SV2C: variants seen among roughly 807,000 people sequenced by gnomAD.
SV2C encodes the protein synaptic vesicle glycoprotein 2C, also known as solute carrier family 22 member B3.
In SV2C, 49 loss-of-function variants were observed where a neutral mutation model predicts 79.7. That is an observed-to-expected ratio of 0.61 (90% confidence interval 0.49 to 0.78). The LOEUF is 0.78. Among genes scored for constraint, SV2C ranks in the 30% least tolerant of loss-of-function variants. The pLI is 0.00. For missense variants in SV2C, 833 were observed against 912.9 expected, an observed-to-expected ratio of 0.91 and a Z score of 1.13; for synonymous variants, 334 against 333.2, an observed-to-expected ratio of 1.00 and a Z score of -0.03.
chr5:75,914,879 A>T, the SV2C span, among the ~76,000 whole-genome samples: 1 of 152,196 alleles, frequency 6.6e-6, no homozygotes, highest in Admixed American at 6.5e-5. Flanking sequence ...GGCAATTTAC[A>T]AAAGAAAGAG....
rs1744231660 is a variant in SV2C, at chr5:76,195,016, T to C, written c.678T>C (p.Ser226=). 6.2e-7 allele frequency: 1 copy of C among 1,614,160 alleles called. No individual in the cohort carries two copies. The highest frequency in any genetic ancestry group is 2.2e-5 in the East Asian group (1 of 44,884). Residue 226 remains serine (S), a synonymous_variant, in exon 3 of 13, where the codon TCT becomes TCC. Coordinates refer to ENST00000502798, the MANE Select transcript of SV2C (RefSeq NM_014979.4). ...AACAGTCTCTTCTGATTTGCATGTC[T>C]GTCAACGGATTCTTTGCCTTCCTTT... The part of the protein sequence containing the change: ...GRKQSLLICM[S]VNGFFAFLSS...
In SV2C at chr5:76,242,193, G is replaced by A. The variant is rs540790311; in HGVS notation, c.913+32306G>A. 3.0e-6 allele frequency: 3 copies of A among 1,016,082 alleles called. No homozygotes were observed. In the South Asian group the frequency reaches 3.8e-5, roughly 13 times the overall value. The allele number at this position is 1,016,082 out of a possible 1,614,324, so 62.9% of individuals were successfully genotyped here. ...CTTTTAGGCGTGGGCTCTGGCTTTG[G>A]AGGAGCAGGTTTAGCAGACAACCTC... On this transcript the variant is annotated intron_variant, in intron 4 of 12. Coordinates refer to ENST00000502798, the MANE Select transcript of SV2C (RefSeq NM_014979.4).
intron 2 of SV2C, among the ~76,000 whole-genome samples, chr5:76,188,676 C>T (rs1173062796): frequency 6.6e-6 from 1 of 152,114 alleles, no homozygotes; most frequent in East Asian, 1.9e-4. Flanking sequence ...AGAACAAGTA[C>T]TGAGCTTGAG....
rs1415699318 is a variant in SV2C at position 76,232,799 on chromosome 5, T to C, written c.913+22912T>C. On this transcript the variant is annotated intron_variant, in intron 4 of 12. Coordinates refer to ENST00000502798, the MANE Select transcript of SV2C (RefSeq NM_014979.4). ...CTCTGTTCTGTTCCATTGATCTATA[T>C]CTCTGTTTTGGTACCAGTACCATGC... Among the ~76,000 whole-genome samples the C allele has an allele frequency of 2.8e-5, 4 of 143,704 alleles. 1 individual carries two copies. Among genetic ancestry groups the C allele is most frequent in the African/African-American group, 1.2e-4 (4 of 33,578 alleles). The allele number at this position is 143,704 out of a possible 152,430, so 94.3% of individuals were successfully genotyped here. A position where few individuals can be genotyped will look rare whatever the true frequency, so the allele number is the denominator to read the frequency against.
chr5:76,187,988 G>A (rs995886827), intron 2 of SV2C, among the ~76,000 whole-genome samples: 5 of 152,172 alleles, frequency 3.3e-5, no homozygotes, highest in Non-Finnish European at 4.4e-5. Flanking sequence ...GTCGGGTGCA[G>A]TGACTCATGC....
chr5:76,108,507 A>G (rs1026828135), intron 1 of SV2C, among the ~76,000 whole-genome samples: 18 of 152,186 alleles, frequency 1.2e-4, no homozygotes, highest in African/African-American at 4.3e-4. Context: ...AAGTCTTTAA[A>G]TTTCTATATT....
chr5:76,114,955 T>G (rs1748216879), intron 1 of SV2C, among the ~76,000 whole-genome samples: 1 of 152,274 alleles, frequency 6.6e-6, no homozygotes, highest in African/African-American at 2.4e-5. Context: ...GATTTGCCTT[T>G]TTGATGTTAT....
rs191106097 is a variant in SV2C at position 76,150,599 on chromosome 5, A to G, written c.580+18269A>G. On this transcript the variant is annotated intron_variant, in intron 2 of 12. Transcript: ENST00000502798. The stretch of plus-strand genomic sequence containing the variant: ...CAGAAAGCACACCAGCAGTGGCCCA[A>G]CTATTCGTCTGTTTATTCATCAAAT... 3.4e-5 allele frequency among the ~76,000 whole-genome samples: 5 copies of G among 146,060 alleles called. No homozygotes were observed. In the East Asian group the frequency reaches 1.0e-3, roughly 30 times the overall value.
At chr5:76,204,456 A>C (rs1045723670) in intron 3 of SV2C, among the ~76,000 whole-genome samples, 27 of 152,198 alleles carry the variant, frequency 1.8e-4, no homozygotes, top group African/African-American at 6.0e-4. Flanking sequence ...TGATTATTCA[A>C]CTTTCTCCTT....
intron 4 of SV2C, among the ~76,000 whole-genome samples, chr5:76,233,584 G>C (rs532976823): frequency 1.3e-5 from 2 of 148,228 alleles, no homozygotes; most frequent in East Asian, 1.9e-4. Flanking sequence ...GTTTGTCATA[G>C]ATAGCTCTTA....
At position 76,092,396 on chromosome 5, in the gene SV2C, C is replaced by A. The variant is rs545835444; in HGVS notation, c.-102+8884C>A. On this transcript the variant is annotated intron_variant, in intron 1 of 12. Coordinates refer to ENST00000502798, the MANE Select transcript of SV2C (RefSeq NM_014979.4). ...TTTTTCTCATGGATCTTTTTCCAGGCAATAATGTAGGTGAGGTCATCTAAG... is the reference window on the plus strand; with the variant it reads ...TTTTTCTCATGGATCTTTTTCCAGGAAATAATGTAGGTGAGGTCATCTAAG... 5.9e-5 allele frequency among the ~76,000 whole-genome samples: 9 copies of A among 152,182 alleles called. No individual in the cohort carries two copies. In the East Asian group the frequency reaches 1.4e-3, roughly 23 times the overall value.
intron 4 of SV2C, among the ~76,000 whole-genome samples, chr5:76,217,397 T>A (rs918556952): frequency 2.6e-5 from 4 of 152,136 alleles, no homozygotes; most frequent in African/African-American, 7.2e-5. Context: ...AAGAAGAAAG[T>A]CAGCTTCCTT....
the SV2C span, among the ~76,000 whole-genome samples, chr5:75,889,602 C>T: frequency 6.6e-6 from 1 of 151,970 alleles, no homozygotes; most frequent in Admixed American, 6.6e-5. Flanking sequence ...TTAGTGACCA[C>T]ATTTTAACTT....
chr5:76,254,240 G>GTA (rs67420685), intron 4 of SV2C, among the ~76,000 whole-genome samples: 193 of 65,386 alleles, frequency 3.0e-3, no homozygotes, highest in Middle Eastern at 0.018. Context: ...ATGTGTGTGT[G>GTA]TATATATATA....
At chr5:76,125,118 A>G (rs1055201441) in intron 1 of SV2C, among the ~76,000 whole-genome samples, 2 of 152,206 alleles carry the variant, frequency 1.3e-5, no homozygotes, top group Non-Finnish European at 2.9e-5. Flanking sequence ...CTGTGTCAAA[A>G]TTGCATAAAA....
the SV2C span, among the ~76,000 whole-genome samples, chr5:75,901,430 G>C: frequency 4.6e-5 from 7 of 152,156 alleles, no homozygotes; most frequent in Non-Finnish European, 1.0e-4. Context: ...GCTGCTGTCT[G>C]GTCGTTCCTC....
At chr5:75,964,578 T>G in the SV2C span, among the ~76,000 whole-genome samples, 1 of 152,136 alleles carries the variant, frequency 6.6e-6, no homozygotes, top group Non-Finnish European at 1.5e-5. Flanking sequence ...CTTAGTCTTT[T>G]TATCTGTTGG....
chr5:76,163,595 A>G (rs981818661), intron 2 of SV2C, among the ~76,000 whole-genome samples: 37 of 152,052 alleles, frequency 2.4e-4, no homozygotes, highest in African/African-American at 8.7e-4. Flanking sequence ...ACTCTGCCCC[A>G]GCACCACCTT....
the SV2C span, among the ~76,000 whole-genome samples, chr5:75,899,937 T>G: frequency 1.3e-5 from 2 of 152,234 alleles, no homozygotes; most frequent in Non-Finnish European, 2.9e-5. Context: ...TCCTCCATCC[T>G]TTTATTTTGA....
Sources: gnomAD v4.1 joint callset for allele counts (sites outside exome capture counted in the v4.1 genomes callset) on GRCh38, gnomAD v4.1.1 for gene constraint, MANE v1.5 for transcripts, NCBI Gene and HGNC (gene_info 2026-07-23, HGNC 2026-07-21) for gene names.